SPMIP11: variants seen among roughly 807,000 people sequenced by gnomAD.
The protein encoded by SPMIP11 is long intergenic non-protein coding RNA 935.
the SPMIP11 span, among the ~76,000 whole-genome samples, chr12:48,737,111 G>A: frequency 2.0e-5 from 3 of 151,890 alleles, no homozygotes; most frequent in African/African-American, 7.3e-5. Flanking sequence ...CACCATGCCT[G>A]GCTAATTTTT....
At chr12:48,760,758 C>A in the SPMIP11 span, among the ~76,000 whole-genome samples, 1 of 152,234 alleles carries the variant, frequency 6.6e-6, no homozygotes, top group African/African-American at 2.4e-5. Context: ...AACTCCTGAT[C>A]TCAGGTGATC....
the SPMIP11 span, among the ~76,000 whole-genome samples, chr12:48,738,669 G>A: frequency 6.6e-6 from 1 of 151,974 alleles, no homozygotes; most frequent in African/African-American, 2.4e-5. Context: ...CGAGTAGCTG[G>A]GACTACAGGC....
At chr12:48,742,384 C>T in the SPMIP11 span, among the ~76,000 whole-genome samples, 1,599 of 147,744 alleles carry the variant, frequency 0.011, 12 homozygotes, top group Middle Eastern at 0.018. Context: ...CAGGTTCAAG[C>T]GATCCTCCTG....
chr12:48,767,321 G>C, the SPMIP11 span: 1 of 152,558 alleles, frequency 6.6e-6, no homozygotes, highest in Non-Finnish European at 1.5e-5. Context: ...TTAGGGATTT[G>C]GCACAAAAAG....
the SPMIP11 span, chr12:48,768,929 C>G: frequency 1.9e-6 from 3 of 1,604,152 alleles, no homozygotes; most frequent in Non-Finnish European, 2.6e-6. Context: ...TGCTCATATC[C>G]CCCTCACCTG....
the SPMIP11 span, among the ~76,000 whole-genome samples, chr12:48,731,536 T>C: frequency 6.6e-6 from 1 of 152,078 alleles, no homozygotes; most frequent in Non-Finnish European, 1.5e-5. Flanking sequence ...AAGTGGTTCT[T>C]AGGAGCTCAC....
the SPMIP11 span, among the ~76,000 whole-genome samples, chr12:48,742,340 G>C: frequency 2.2e-5 from 3 of 134,582 alleles, no homozygotes; most frequent in South Asian, 7.6e-4. Context: ...GGAGTACAAC[G>C]GCACGATCTC....
the SPMIP11 span, among the ~76,000 whole-genome samples, chr12:48,738,792 C>T: frequency 1.3e-5 from 2 of 152,002 alleles, no homozygotes; most frequent in African/African-American, 4.8e-5. Context: ...TTCACTTTTT[C>T]TATTTGTTAG....
At chr12:48,755,894 T>C in the SPMIP11 span, among the ~76,000 whole-genome samples, 1 of 149,406 alleles carries the variant, frequency 6.7e-6, no homozygotes, top group Non-Finnish European at 1.5e-5. Context: ...TTTTTTTTTT[T>C]TGAGACAGAG....
chr12:48,750,033 A>C, the SPMIP11 span, among the ~76,000 whole-genome samples: 86 of 149,526 alleles, frequency 5.8e-4, no homozygotes, highest in African/African-American at 1.5e-3. Flanking sequence ...ACACCAACCC[A>C]GGCACTTGCC....
the SPMIP11 span, chr12:48,770,874 G>A: frequency 6.2e-7 from 1 of 1,614,248 alleles, no homozygotes; most frequent in Non-Finnish European, 8.5e-7. Context: ...CGGCCCACCT[G>A]ATCGTAGGTG....
chr12:48,765,051 C>A, the SPMIP11 span: 3 of 663,936 alleles, frequency 4.5e-6, no homozygotes, highest in South Asian at 1.6e-5. Flanking sequence ...CTTCCCTTCA[C>A]TTTAATTCTT....
the SPMIP11 span, chr12:48,770,954 C>T: frequency 3.1e-6 from 5 of 1,614,028 alleles, no homozygotes; most frequent in South Asian, 2.2e-5. Flanking sequence ...CTGCCGGAAC[C>T]GCTCCTCGCT....
At chr12:48,769,053 T>C in the SPMIP11 span, 2 of 1,612,170 alleles carry the variant, frequency 1.2e-6, no homozygotes, top group Non-Finnish European at 1.7e-6. Flanking sequence ...ACTGGGCCCA[T>C]GTTCAGCCCT....
chr12:48,741,747 C>G, the SPMIP11 span, among the ~76,000 whole-genome samples: 1 of 151,626 alleles, frequency 6.6e-6, no homozygotes, highest in Non-Finnish European at 1.5e-5. Flanking sequence ...TCAAGCAATT[C>G]TCTAACCTCA....
chr12:48,754,344 G>A, the SPMIP11 span, among the ~76,000 whole-genome samples: 2 of 152,078 alleles, frequency 1.3e-5, no homozygotes, highest in Non-Finnish European at 2.9e-5. Context: ...GTGAGATGAG[G>A]TCTCACTCTG....
At chr12:48,766,973 C>T in the SPMIP11 span, 1 of 152,244 alleles carries the variant, frequency 6.6e-6, no homozygotes, top group African/African-American at 2.4e-5. Context: ...GTTCAACCTC[C>T]TAACCCTTCT....
At chr12:48,768,372 G>A in the SPMIP11 span, 1 of 651,958 alleles carries the variant, frequency 1.5e-6, no homozygotes, top group Non-Finnish European at 2.6e-6. Flanking sequence ...CCCCAAGTAA[G>A]AAAGAAAGTC....
At chr12:48,733,466 T>A in the SPMIP11 span, among the ~76,000 whole-genome samples, 1 of 152,214 alleles carries the variant, frequency 6.6e-6, no homozygotes, top group Non-Finnish European at 1.5e-5. Flanking sequence ...TTTTCATGGT[T>A]GACTGTGATC....
Sources: allele counts gnomAD v4.1 joint callset (sites outside exome capture counted in the v4.1 genomes callset), GRCh38; gene constraint gnomAD v4.1.1; transcripts MANE v1.5; gene names NCBI Gene and HGNC (gene_info 2026-07-23, HGNC 2026-07-21).